ADORA2B: variants seen among roughly 807,000 people sequenced by gnomAD.
ADORA2B encodes the protein adenosine receptor A2b.
Under a neutral mutation model 20.8 loss-of-function variants are expected in ADORA2B, and 18 were observed. That is an observed-to-expected ratio of 0.87 (90% CI 0.60 to 1.29). The LOEUF is 1.29. Ranked by LOEUF, ADORA2B falls within the 50% of genes most tolerant of loss-of-function variation. The pLI is 0.00. For missense variants in ADORA2B, 441 were observed against 422.7 expected, an observed-to-expected ratio of 1.04 and a Z score of -0.38; for synonymous variants, 179 against 178.3, an observed-to-expected ratio of 1.00 and a Z score of -0.03.
chr17:15,923,359 C>T, the ADORA2B span, among the ~76,000 whole-genome samples: 2 of 147,288 alleles, frequency 1.4e-5, no homozygotes, highest in African/African-American at 5.0e-5. Flanking sequence ...CATTGCCTCT[C>T]TCTCTCTGTC....
At chr17:15,871,258 C>T in the ADORA2B span, among the ~76,000 whole-genome samples, 6 of 152,228 alleles carry the variant, frequency 3.9e-5, no homozygotes, top group African/African-American at 9.6e-5. Context: ...TGGGGAGGGA[C>T]GCGTTCTCCC....
chr17:15,945,945 G>C (rs1308696039), intron 1 of ADORA2B, among the ~76,000 whole-genome samples: 1 of 152,150 alleles, frequency 6.6e-6, no homozygotes, highest in Non-Finnish European at 1.5e-5. Context: ...GGGAGTTTTG[G>C]TGATCACATC....
chr17:15,876,617 T>C, the ADORA2B span, among the ~76,000 whole-genome samples: 1 of 152,056 alleles, frequency 6.6e-6, no homozygotes, highest in Non-Finnish European at 1.5e-5. Context: ...TTCTCCTGTT[T>C]TTCTGTCTCT....
chr17:15,944,927 T>G, upstream of ADORA2B: 1 of 197,940 alleles, frequency 5.1e-6, no homozygotes, highest in Non-Finnish European at 1.0e-5. The surrounding 1 kb of genome is among the most constrained non-coding windows in gnomAD (Gnocchi z 4.8). Flanking sequence ...GGGCAATTTG[T>G]TAGTTATCCG....
At chr17:15,866,863 T>G in the ADORA2B span, among the ~76,000 whole-genome samples, 1 of 152,218 alleles carries the variant, frequency 6.6e-6, no homozygotes, top group South Asian at 2.1e-4. Context: ...TGCTGCCATC[T>G]CAGCTCACTG....
the ADORA2B span, among the ~76,000 whole-genome samples, chr17:15,878,702 A>T: frequency 6.6e-6 from 1 of 152,126 alleles, no homozygotes; most frequent in African/African-American, 2.4e-5. Flanking sequence ...AATATCTTTA[A>T]GATTTTTGTA....
chr17:15,875,485 T>C, the ADORA2B span, among the ~76,000 whole-genome samples: 1 of 152,248 alleles, frequency 6.6e-6, no homozygotes, highest in South Asian at 2.1e-4. Flanking sequence ...GTGTCATTCA[T>C]AGATTAGCCA....
At chr17:15,940,410 G>A (rs1406916264), upstream of ADORA2B, among the ~76,000 whole-genome samples, 3 of 152,224 alleles carry the variant, frequency 2.0e-5, no homozygotes, top group African/African-American at 7.2e-5. Context: ...GGATGTCGGA[G>A]AGAAGTAGAA....
the ADORA2B span, among the ~76,000 whole-genome samples, chr17:15,878,184 TACACACACACACACACAC>T: frequency 2.1e-5 from 3 of 143,820 alleles, no homozygotes; most frequent in African/African-American, 5.1e-5. Flanking sequence ...TGTGTGTGTA[TACACACACACACACACAC>T]ACACACACAC....
chr17:15,939,716 C>T, the ADORA2B span, among the ~76,000 whole-genome samples: 1 of 151,766 alleles, frequency 6.6e-6, no homozygotes, highest in Non-Finnish European at 1.5e-5. Flanking sequence ...AAAAAATTAG[C>T]CGGGTGTGGT....
chr17:15,867,626 G>T, the ADORA2B span, among the ~76,000 whole-genome samples: 1 of 149,912 alleles, frequency 6.7e-6, no homozygotes, highest in East Asian at 2.0e-4. Flanking sequence ...GAGGCGGGGG[G>T]GTCAGCCCGC....
At chr17:15,869,943 T>G in the ADORA2B span, among the ~76,000 whole-genome samples, 1 of 152,218 alleles carries the variant, frequency 6.6e-6, no homozygotes, top group African/African-American at 2.4e-5. Context: ...TTTTATATCA[T>G]CAAAGCTTTT....
the ADORA2B span, among the ~76,000 whole-genome samples, chr17:15,914,894 A>C: frequency 2.6e-5 from 4 of 152,278 alleles, no homozygotes; most frequent in Middle Eastern, 3.4e-3. Context: ...AACTCTCCTC[A>C]AAGTTCAGGT....
At chr17:15,962,420 CT>C (rs1227784000) in intron 1 of ADORA2B, among the ~76,000 whole-genome samples, 1 of 152,212 alleles carries the variant, frequency 6.6e-6, no homozygotes, top group African/African-American at 2.4e-5. Flanking sequence ...TAAAGACAAG[CT>C]TTAGCTTCTC....
chr17:15,876,232 C>CT, the ADORA2B span, among the ~76,000 whole-genome samples: 3 of 152,114 alleles, frequency 2.0e-5, no homozygotes, highest in African/African-American at 7.2e-5. Flanking sequence ...AGGTCAGCAA[C>CT]TATTTCCCTT....
chr17:15,944,321 G>C (rs1191186387), upstream of ADORA2B, among the ~76,000 whole-genome samples: 2 of 152,166 alleles, frequency 1.3e-5, no homozygotes, highest in Non-Finnish European at 2.9e-5. The surrounding 1 kb of genome is among the most constrained non-coding windows in gnomAD (Gnocchi z 4.8). Context: ...GGCTGTTAGG[G>C]CTGAAGCAAG....
At chr17:15,879,536 T>C in the ADORA2B span, among the ~76,000 whole-genome samples, 3 of 150,420 alleles carry the variant, frequency 2.0e-5, no homozygotes, top group Non-Finnish European at 2.9e-5. Context: ...AGCCAAAGGA[T>C]TTTCTTTTTT....
chr17:15,859,590 A>G, the ADORA2B span, among the ~76,000 whole-genome samples: 2 of 151,718 alleles, frequency 1.3e-5, no homozygotes, highest in Non-Finnish European at 1.5e-5. Flanking sequence ...AGTTTCCCCT[A>G]TAACTATAAA....
At chr17:15,903,436 G>T in the ADORA2B span, among the ~76,000 whole-genome samples, 7 of 152,290 alleles carry the variant, frequency 4.6e-5, no homozygotes, top group East Asian at 1.4e-3. Flanking sequence ...CACCTTTTAT[G>T]TAAATTGGAA....
Sources: allele counts gnomAD v4.1 joint callset (sites outside exome capture counted in the v4.1 genomes callset), GRCh38; gene constraint gnomAD v4.1.1; non-coding constraint Gnocchi (gnomAD v3.1); transcripts MANE v1.5; gene names NCBI Gene and HGNC (gene_info 2026-07-23, HGNC 2026-07-21).